The following BCAR1 variants were observed in gnomAD, a reference collection of about 807,000 sequenced individuals.
BCAR1 encodes BCAR1 scaffold protein, Cas family member, also known as breast cancer anti-estrogen resistance protein 1.
A neutral mutation model predicts 67.6 loss-of-function variants in BCAR1; 30 were observed. The observed-to-expected ratio is 0.44, with a 90% CI of 0.33 to 0.60. The LOEUF is 0.60. Among genes scored for constraint, BCAR1 ranks in the 20% least tolerant of loss-of-function variants. BCAR1 has a pLI of 0.02. For missense variants in BCAR1, 1,313 were observed against 1,222.3 expected (o/e 1.07, Z -1.11); for synonymous variants, 626 against 556.7 (o/e 1.12, Z -1.75).
intron 1 of BCAR1, among the ~76,000 whole-genome samples, chr16:75,261,861 G>A (rs1056783701): frequency 6.6e-6 from 1 of 152,216 alleles, no homozygotes; most frequent in African/African-American, 2.4e-5. Context: ...TCAGGAATGG[G>A]TCTGAGCCAC....
At chr16:75,243,876 G>A (rs186366376) in intron 1 of BCAR1, among the ~76,000 whole-genome samples, 3,079 of 152,316 alleles carry the variant, frequency 0.02, 47 homozygotes, top group Admixed American at 0.031. Context: ...ATGCATCCTC[G>A]CCCCTGCCGC....
At position 75,229,864 on chromosome 16, in the gene BCAR1, T is replaced by C; in HGVS notation, c.2260A>G (p.Asn754Asp). ...ACGGCGTTGGTCAGTGTGGTCAGGT[T>C]GGCCTCACACTGCTCCAGGTAGAAG... is the stretch of plus-strand genomic sequence containing the variant. ...LLFYLEQCEA[N>D]LTTLTNAVDA... is the part of the protein sequence containing the mutation. The change falls in exon 7 of 7, where the codon AAC (asparagine) becomes GAC (aspartate). Residue 754 changes from asparagine to aspartate, a missense_variant. Asn to Asp is a conservative substitution (Grantham distance 23, BLOSUM62 1). Transcript: ENST00000162330. 1 of 1,613,276 alleles carries C rather than the reference T, an allele frequency of 6.2e-7. No homozygotes were observed. Among genetic ancestry groups the C allele is most frequent in the Non-Finnish European group, 8.5e-7 (1 of 1,179,988 alleles).
intron 1 of BCAR1, chr16:75,263,498 C>G: frequency 1.0e-6 from 1 of 985,516 alleles, no homozygotes; most frequent in Non-Finnish European, 1.2e-6. Flanking sequence ...GTAGCAGGGA[C>G]GCCCTGGCTC....
chr16:75,259,841 G>C (rs1258393835), intron 1 of BCAR1, among the ~76,000 whole-genome samples: 1 of 109,800 alleles, frequency 9.1e-6, no homozygotes, highest in East Asian at 2.9e-4. Context: ...GACAGAATGA[G>C]ACTCCATCTA....
chr16:75,259,850 T>TAAAA (rs144448216), intron 1 of BCAR1, among the ~76,000 whole-genome samples: 2 of 73,458 alleles, frequency 2.7e-5, no homozygotes, highest in Non-Finnish European at 5.0e-5. Flanking sequence ...AGACTCCATC[T>TAAAA]AAAAAAAAAA....
At chr16:75,238,185 C>T in intron 2 of BCAR1, 1 of 1,244,182 alleles carries the variant, frequency 8.0e-7, no homozygotes, top group Non-Finnish European at 1.0e-6. Flanking sequence ...CCCTCACCAG[C>T]ACCAGCCTGA....
At chr16:75,265,658 G>T (rs990497326) in intron 1 of BCAR1, among the ~76,000 whole-genome samples, 3 of 151,908 alleles carry the variant, frequency 2.0e-5, no homozygotes, top group Non-Finnish European at 2.9e-5. Flanking sequence ...AGGCCGGCTT[G>T]GGGGAGCCTC....
intron 1 of BCAR1, chr16:75,265,333 C>G (rs1205342184): frequency 6.6e-6 from 1 of 152,404 alleles, no homozygotes; most frequent in East Asian, 1.9e-4. Context: ...CGGGGGAGTC[C>G]CGGGAGCGCC....
intron 1 of BCAR1, chr16:75,243,485 G>A (rs768358317): frequency 1.3e-5 from 7 of 537,002 alleles, no homozygotes; most frequent in Middle Eastern, 3.0e-4. Context: ...GTTCTCTCTC[G>A]AGGTGCACGA....
rs577318546 is a variant in BCAR1, at chr16:75,261,633, C to G, written c.66+6282G>C. 2.8e-3 allele frequency among the ~76,000 whole-genome samples: 426 copies of G among 152,358 alleles called. 8 individuals carry two copies. The highest frequency in any genetic ancestry group is 9.4e-4 in the Non-Finnish European group (64 of 68,034). On this transcript the variant is annotated intron_variant, in intron 1 of 6. Coordinates refer to the BCAR1 transcript ENST00000393422. ...GCTGGTTGCCCCAATGCAGGTCACT[C>G]TCTGGTTGGAGTGAAGACAAGGACC...
intron 1 of BCAR1, chr16:75,266,206 A>C: frequency 5.7e-5 from 11 of 193,922 alleles, no homozygotes; most frequent in South Asian, 1.8e-4. Flanking sequence ...CCAACACTAC[A>C]CTGCCCTGTG....
intron 1 of BCAR1, chr16:75,265,861 G>A: frequency 8.6e-7 from 1 of 1,164,960 alleles, no homozygotes; most frequent in South Asian, 4.2e-5. Flanking sequence ...CCGGGGCCTG[G>A]CGGGCAGCGG....
intron 1 of BCAR1, chr16:75,265,983 C>G (rs1175660964): frequency 4.8e-6 from 5 of 1,051,574 alleles, no homozygotes; most frequent in South Asian, 4.5e-5. Flanking sequence ...CCGGACTGTC[C>G]GGCCGCTCCA....
At chr16:75,255,437 C>T (rs1218794917), upstream of BCAR1, among the ~76,000 whole-genome samples, 2 of 152,200 alleles carry the variant, frequency 1.3e-5, no homozygotes, top group African/African-American at 4.8e-5. Context: ...AAGCTCAAAA[C>T]CAAGGCAAGG....
At chr16:75,230,359 G>A (rs998613316) in intron 6 of BCAR1, among the ~76,000 whole-genome samples, 11 of 152,164 alleles carry the variant, frequency 7.2e-5, no homozygotes, top group African/African-American at 2.7e-4. Context: ...GACTTGAGAC[G>A]TGGCACTGGG....
chr16:75,245,499 G>A (rs1158979209), intron 1 of BCAR1, among the ~76,000 whole-genome samples: 1 of 152,240 alleles, frequency 6.6e-6, no homozygotes, highest in African/African-American at 2.4e-5. Context: ...AGGGAGGCCG[G>A]GGGCTCTGTG....
Position 75,235,471 on chromosome 16 carries a change from G to A in BCAR1, c.1428C>T (p.His476=). Residue 476 remains histidine, a synonymous_variant, in exon 5 of 7, where the codon CAC becomes CAT. Coordinates refer to ENST00000162330, the MANE Select transcript of BCAR1 (RefSeq NM_014567.5). The part of the protein sequence containing the change: ...LQQGVSATVA[H]LLDLAGSAGA... ...CGGCGCTGCCTGCCAGGTCCAGAAG[G>A]TGGGCAACGGTGGCGCTCACACCCT... 1 of 1,604,572 alleles carries A rather than the reference G, an allele frequency of 6.2e-7. No individual in the cohort carries two copies. The highest frequency in any genetic ancestry group is 8.5e-7 in the Non-Finnish European group (1 of 1,176,908).
intron 1 of BCAR1, chr16:75,246,933 C>G (rs2077538786): frequency 6.6e-6 from 1 of 152,304 alleles, no homozygotes; most frequent in African/African-American, 2.4e-5. Context: ...CAAAGCCAGT[C>G]CAGGTGGACA....
At chr16:75,254,280 G>C (rs946302786), upstream of BCAR1, among the ~76,000 whole-genome samples, 1 of 152,126 alleles carries the variant, frequency 6.6e-6, no homozygotes, top group Non-Finnish European at 1.5e-5. Flanking sequence ...GGCTCAGAAA[G>C]CCAAACACCC....
Sources: gnomAD v4.1 joint callset for allele counts (sites outside exome capture counted in the v4.1 genomes callset) on GRCh38, gnomAD v4.1.1 for gene constraint, MANE v1.5 for transcripts, NCBI Gene and HGNC (gene_info 2026-07-23, HGNC 2026-07-21) for gene names.